ZNF695: variants seen among roughly 807,000 people sequenced by gnomAD.
ZNF695 encodes zinc finger protein SBZF3.
ZNF695 carries 11 observed loss-of-function variants against 11.2 expected under a neutral mutation model. The ratio of observed to expected loss-of-function variants is 0.98; its 90% CI spans 0.62 to 1.62. The LOEUF (loss-of-function observed/expected upper bound fraction) is 1.62. Ranked by LOEUF, ZNF695 falls within the 40% of genes most tolerant of loss-of-function variation. The pLI is 0.00. For synonymous variants in ZNF695, 190 were observed against 201.4 expected, an observed-to-expected ratio of 0.94 and a Z score of 0.48; for missense variants, 559 against 590.5, an observed-to-expected ratio of 0.95 and a Z score of 0.55.
At chr1:246,968,442 C>T (rs1668342324) in intron 4 of ZNF695, 1 of 152,394 alleles carries the variant, frequency 6.6e-6, no homozygotes, top group African/African-American at 2.4e-5. Context: ...TGGCCGCTCT[C>T]ACAGGCTGGT....
chr1:247,000,095 ACCAAGTGGTC>A (rs1669320690), intron 1 of ZNF695, 21 bp from the exon 2 acceptor site: 1 of 1,591,608 alleles, frequency 6.3e-7, no homozygotes, highest in South Asian at 1.1e-5. Flanking sequence ...AAACATATTT[ACCAAGTGGTC>A]ACGGCAGAGT....
At chr1:246,953,688 C>T (rs1667921578) in intron 5 of ZNF695, among the ~76,000 whole-genome samples, 1 of 152,146 alleles carries the variant, frequency 6.6e-6, no homozygotes, top group East Asian at 1.9e-4. Context: ...TTTGAGAGGA[C>T]AAGGTAGGTG....
intron 5 of ZNF695, among the ~76,000 whole-genome samples, chr1:246,949,636 G>C (rs985799307): frequency 6.6e-6 from 1 of 151,856 alleles, no homozygotes; most frequent in African/African-American, 2.4e-5. Flanking sequence ...TTGAACCCTG[G>C]GGTTTCCTTC....
intron 5 of ZNF695, among the ~76,000 whole-genome samples, chr1:246,967,024 C>T (rs772093315): frequency 2.0e-5 from 3 of 152,262 alleles, no homozygotes; most frequent in Admixed American, 2.0e-4. Context: ...CCACAACCTC[C>T]GCCTCCCAGG....
At chr1:246,949,122 A>G (rs1667809388) in intron 5 of ZNF695, among the ~76,000 whole-genome samples, 1 of 152,230 alleles carries the variant, frequency 6.6e-6, no homozygotes, top group African/African-American at 2.4e-5. Context: ...TCCAGAAAAG[A>G]ATTAAAGATT....
Position 246,985,947 on chromosome 1 carries a change from C to T in ZNF695, c.*1020G>A, listed in dbSNP as rs1668835116. On this transcript the variant is annotated 3_prime_UTR_variant, in exon 4 of 4. Coordinates refer to ENST00000339986, the MANE Select transcript of ZNF695 (RefSeq NM_020394.5). ...TCATGTAGCAACAGTAGGCCTCATG[C>T]CTTCACATAAACACTAGAAATGAAG... 5.1e-6 allele frequency: 5 copies of T among 985,296 alleles called. No individual in the cohort carries two copies. In the South Asian group the frequency reaches 2.3e-4, roughly 46 times the overall value. 61.0% of individuals were successfully genotyped at this position (985,296 alleles called of 1,614,324 possible).
At chr1:246,957,102 G>A (rs1312318569) in intron 5 of ZNF695, among the ~76,000 whole-genome samples, 11 of 152,180 alleles carry the variant, frequency 7.2e-5, no homozygotes, top group African/African-American at 2.7e-4. Flanking sequence ...TGGGAAACAG[G>A]CCGAGTGCGG....
At chr1:246,966,313 A>AC (rs1668288937) in intron 5 of ZNF695, among the ~76,000 whole-genome samples, 1 of 152,078 alleles carries the variant, frequency 6.6e-6, no homozygotes, top group Admixed American at 6.6e-5. Context: ...ACATGTTGAA[A>AC]CCCCATCTCT....
chr1:247,000,684 G>A (rs904453218), intron 1 of ZNF695, among the ~76,000 whole-genome samples: 1 of 152,140 alleles, frequency 6.6e-6, no homozygotes, highest in African/African-American at 2.4e-5. Flanking sequence ...CATCACACAG[G>A]ATAAACTGTG....
At chr1:246,957,923 A>C (rs1466988394) in intron 5 of ZNF695, among the ~76,000 whole-genome samples, 1 of 151,998 alleles carries the variant, frequency 6.6e-6, no homozygotes, top group Non-Finnish European at 1.5e-5. Flanking sequence ...TTGCACCTGT[A>C]TATTTATTAC....
intron 5 of ZNF695, among the ~76,000 whole-genome samples, chr1:246,965,642 C>G (rs1668270585): frequency 6.6e-6 from 1 of 152,048 alleles, no homozygotes; most frequent in Non-Finnish European, 1.5e-5. Context: ...GAGGCTGATG[C>G]AGGAGAATCG....
At chr1:246,955,987 T>A (rs1443468580) in intron 5 of ZNF695, among the ~76,000 whole-genome samples, 3 of 129,328 alleles carry the variant, frequency 2.3e-5, no homozygotes, top group African/African-American at 9.6e-5. Flanking sequence ...TGGATTGGAT[T>A]TTTTTTTTTT....
intron 3 of ZNF695, among the ~76,000 whole-genome samples, chr1:246,995,428 A>G (rs532838972): frequency 1.3e-5 from 2 of 152,358 alleles, no homozygotes; most frequent in Non-Finnish European, 2.9e-5. Context: ...GTTTTTGCAG[A>G]AATAGAAAAG....
At chr1:246,994,036 C>T (rs1039628893) in intron 3 of ZNF695, among the ~76,000 whole-genome samples, 1 of 151,932 alleles carries the variant, frequency 6.6e-6, no homozygotes, top group Non-Finnish European at 1.5e-5. Flanking sequence ...ATTAGCTGGG[C>T]GTGATGGCAC....
At chr1:246,998,257 T>A (rs1669264443) in intron 3 of ZNF695, among the ~76,000 whole-genome samples, 1 of 152,158 alleles carries the variant, frequency 6.6e-6, no homozygotes, top group South Asian at 2.1e-4. Flanking sequence ...GAGAAAATTA[T>A]AAAATGACAA....
At position 246,986,587 on chromosome 1, in the gene ZNF695, T is replaced by C; in HGVS notation, c.*380A>G. ...CACATTTACTGCATCTGTAAAACAG[T>C]TTTTAGTGTGAACACTCTGGTGTTT... On this transcript the variant is annotated 3_prime_UTR_variant, in exon 4 of 4. Transcript: ENST00000339986. 1 of 1,003,778 alleles carries C rather than the reference T, an allele frequency of 1.0e-6. No individual in the cohort carries two copies. The highest frequency in any genetic ancestry group is 1.2e-6 in the Non-Finnish European group (1 of 842,256). 62.2% of individuals were successfully genotyped at this position (1,003,778 alleles called of 1,614,324 possible).
In ZNF695 at chr1:246,986,316, C is replaced by T. The variant is rs1572524485; in HGVS notation, c.*651G>A. On this transcript the variant is annotated 3_prime_UTR_variant, in exon 4 of 4. Coordinates refer to ENST00000339986, the MANE Select transcript of ZNF695 (RefSeq NM_020394.5). ...CTCCTGGGCTCAAGCAATCCCCCGA[C>T]CTCGGCATCCAAAAGTGCAGCAACT... is the stretch of plus-strand genomic sequence containing the variant. 1.1e-6 allele frequency: 1 copy of T among 951,040 alleles called. No individual in the cohort carries two copies. Among genetic ancestry groups the T allele is most frequent in the Non-Finnish European group, 1.3e-6 (1 of 798,592 alleles). The allele number at this position is 951,040 out of a possible 1,614,324, so 58.9% of individuals were successfully genotyped here. A position where few individuals can be genotyped will look rare whatever the true frequency, so the allele number is the denominator to read the frequency against.
intron 5 of ZNF695, among the ~76,000 whole-genome samples, chr1:246,962,576 C>A (rs1008082729): frequency 6.6e-6 from 1 of 152,204 alleles, no homozygotes; most frequent in Non-Finnish European, 1.5e-5. Flanking sequence ...AAGCAAGTGG[C>A]TTCCGTGGGG....
chr1:247,003,732 T>C (rs1669456147), intron 1 of ZNF695, among the ~76,000 whole-genome samples: 2 of 152,374 alleles, frequency 1.3e-5, no homozygotes, highest in South Asian at 4.1e-4. Context: ...AAATAAGATG[T>C]AATGCTAAGA....
Sources: allele counts gnomAD v4.1 joint callset (sites outside exome capture counted in the v4.1 genomes callset), GRCh38; gene constraint gnomAD v4.1.1; transcripts MANE v1.5; gene names NCBI Gene and HGNC (gene_info 2026-07-23, HGNC 2026-07-21).